Variants in THBS2 observed in about 807,000 individuals in gnomAD.
The protein encoded by THBS2 is thrombospondin 2, also known as thrombospondin-2.
THBS2 carries 47 observed loss-of-function variants against 135.2 expected under a neutral mutation model. The ratio of observed to expected loss-of-function variants is 0.35; its 90% confidence interval spans 0.28 to 0.44. The LOEUF (loss-of-function observed/expected upper bound fraction) is 0.44, where lower values mean the gene tolerates loss of function less well. Ranked by LOEUF, THBS2 falls within the 20% of genes least tolerant of loss-of-function variation. The pLI is 1.00. For synonymous variants in THBS2, 639 were observed against 633.8 expected, an observed-to-expected ratio of 1.01 and a Z score of -0.12; for missense variants, 1,288 against 1,603.1, an observed-to-expected ratio of 0.80 and a Z score of 3.36.
At chr6:169,250,874 GC>G in intron 1 of THBS2, 68 bp from the exon 2 acceptor site, 1 of 1,068,976 alleles carries the variant, frequency 9.4e-7, no homozygotes, top group Non-Finnish European at 1.4e-6. Flanking sequence ...AGCGAGACTG[GC>G]CCAGTGACTC....
chr6:169,217,780 A>G lies in THBS2; in HGVS notation c.*42T>C, dbSNP rs1391952237. On this transcript the variant is annotated 3_prime_UTR_variant, in exon 22 of 22. Transcript: ENST00000617924. ...CAATGAACTGAGGTGTCTAGGGACC[A>G]TGGCATGCACAGGGCATTGCCGGAA... The G allele has an allele frequency of 6.2e-7, 1 of 1,608,716 alleles. No homozygotes were observed.
Position 169,239,707 on chromosome 6 carries a change from G to A in THBS2, c.1033-12C>T. ...ATGGTTTTAAATTTCTACAAGTGAA[G>A]AAAGGCATGCATGGAACACTCATTT... On this transcript the variant is annotated splice_polypyrimidine_tract_variant and intron_variant, in intron 6 of 21. Coordinates refer to ENST00000617924, the MANE Select transcript of THBS2 (RefSeq NM_003247.5). 6.3e-7 allele frequency: 1 copy of A among 1,577,366 alleles called. No individual in the cohort carries two copies. The highest frequency in any genetic ancestry group is 8.6e-7 in the Non-Finnish European group (1 of 1,159,692).
chr6:169,249,855 C>G (rs567587879), intron 2 of THBS2, among the ~76,000 whole-genome samples: 4 of 152,050 alleles, frequency 2.6e-5, no homozygotes, highest in Non-Finnish European at 4.4e-5. Context: ...GTGGTGAAAC[C>G]CCGTCTCTAC....
chr6:169,239,987 C>T (rs551662859), intron 6 of THBS2, among the ~76,000 whole-genome samples: 6 of 152,272 alleles, frequency 3.9e-5, no homozygotes, highest in African/African-American at 7.2e-5. Context: ...GAAGAAAAGA[C>T]GGGCAGCAGG....
intron 21 of THBS2, among the ~76,000 whole-genome samples, chr6:169,219,258 ATGGG>A (rs1347172702): frequency 7.0e-5 from 5 of 71,826 alleles, no homozygotes; most frequent in African/African-American, 2.0e-4. Context: ...GGATAGGTGG[ATGGG>A]TGGGTGGATG....
At position 169,217,659 on chromosome 6, in the gene THBS2, C is replaced by T; in HGVS notation, c.*163G>A. 1 of 645,182 alleles carries T rather than the reference C, an allele frequency of 1.5e-6. No homozygotes were observed. Among genetic ancestry groups the T allele is most frequent in the Non-Finnish European group, 2.6e-6 (1 of 385,292 alleles). The allele number at this position is 645,182 out of a possible 1,614,324, so 40.0% of individuals were successfully genotyped here. ...TCCATTGATATTTATCCTCTGAAGGCACTTGGGTTTGGGGTTGCTGGCAGG... is the reference window on the plus strand; with the variant it reads ...TCCATTGATATTTATCCTCTGAAGGTACTTGGGTTTGGGGTTGCTGGCAGG... On this transcript the variant is annotated 3_prime_UTR_variant, in exon 22 of 22. Coordinates refer to ENST00000617924, the MANE Select transcript of THBS2 (RefSeq NM_003247.5).
chr6:169,243,728 AAAC>A (rs968921642), intron 4 of THBS2, among the ~76,000 whole-genome samples: 5 of 152,218 alleles, frequency 3.3e-5, no homozygotes, highest in Non-Finnish European at 7.3e-5. Context: ...TCTAAAAGTT[AAAC>A]AAAAGACCGC....
chr6:169,219,834 C>T (rs539796520), intron 21 of THBS2: 1 of 497,082 alleles, frequency 2.0e-6, no homozygotes, highest in South Asian at 1.4e-5. Context: ...TCCTTCCTTC[C>T]TTCTTTCCTT....
intron 15 of THBS2, among the ~76,000 whole-genome samples, chr6:169,227,743 A>C (rs183470993): frequency 2.0e-5 from 3 of 152,340 alleles, no homozygotes; most frequent in Admixed American, 2.0e-4. Context: ...CAAAATTCAG[A>C]ATAAAACATG....
In THBS2 at chr6:169,248,902, C is replaced by A. The variant is rs773256871; in HGVS notation, c.124G>T (p.Ala42Ser). The A allele has an allele frequency of 1.2e-6, 2 of 1,613,544 alleles. No homozygotes were observed. The highest frequency in any genetic ancestry group is 1.6e-4 in the Middle Eastern group (1 of 6,062). The part of the protein sequence containing the change: ...ISNINRKTIG[A>S]KQFRGPDPGV... ...GGGTCGGGCCCGCGGAACTGCTTGG[C>A]GCCAATGGTCTTGCGGTTGATGTTG... The change falls in exon 3 of 22, where the codon GCC (alanine) becomes TCC (serine). Residue 42 changes from alanine to serine, a missense_variant. Ala to Ser is a moderately conservative substitution (Grantham distance 99, BLOSUM62 1). Transcript: ENST00000617924.
intron 7 of THBS2, among the ~76,000 whole-genome samples, chr6:169,238,620 G>A (rs761531652): frequency 1.3e-5 from 2 of 152,168 alleles, no homozygotes; most frequent in Non-Finnish European, 2.9e-5. Flanking sequence ...TGAATTGTTG[G>A]TTTTAATTAT....
chr6:169,246,157 C>G (rs928838345), intron 4 of THBS2, 40 bp downstream of exon 4: 1 of 1,541,486 alleles, frequency 6.5e-7, no homozygotes, highest in Non-Finnish European at 9.0e-7. Context: ...GAAATCCATC[C>G]AAGCCAGTAT....
rs1171380668 is a variant in THBS2, at chr6:169,248,293, G to A, written c.609+124C>T. On this transcript the variant is annotated intron_variant, in intron 3 of 21. Coordinates refer to ENST00000617924, the MANE Select transcript of THBS2 (RefSeq NM_003247.5). The stretch of plus-strand genomic sequence containing the variant: ...TGTGTGTGAGCACATGCCGGGATGT[G>A]CAGTGTGCTTCTCTAAGGCCAGGCT... 5 of 1,136,754 alleles carry A rather than the reference G, an allele frequency of 4.4e-6. No homozygotes were observed. The African/African-American group carries it at 6.2e-5, about 14-fold the overall frequency. The allele number at this position is 1,136,754 out of a possible 1,614,324, so 70.4% of individuals were successfully genotyped here. A position where few individuals can be genotyped will look rare whatever the true frequency, so the allele number is the denominator to read the frequency against.
At chr6:169,232,227 G>A (rs766595009) in intron 12 of THBS2, 29 bp from the exon 13 acceptor site, 2 of 1,609,028 alleles carry the variant, frequency 1.2e-6, no homozygotes, top group Non-Finnish European at 1.7e-6. Flanking sequence ...CGGGGTTAGC[G>A]ACAGGCAGGA....
At chr6:169,232,535 G>C in intron 12 of THBS2, 129 bp downstream of exon 12, 12 of 1,445,038 alleles carry the variant, frequency 8.3e-6, no homozygotes, top group Non-Finnish European at 1.0e-5. Context: ...CAGCTTCCCC[G>C]GGCCAGCCCC....
chr6:169,242,181 G>T (rs1287910236), intron 4 of THBS2, among the ~76,000 whole-genome samples: 1 of 152,140 alleles, frequency 6.6e-6, no homozygotes, highest in East Asian at 1.9e-4. Flanking sequence ...GAACAGCAGG[G>T]ACAGGGGACA....
chr6:169,246,174 T>A, intron 4 of THBS2, 23 bp downstream of exon 4: 1 of 1,600,128 alleles, frequency 6.2e-7, no homozygotes, highest in Non-Finnish European at 8.6e-7. Context: ...GTATATAAAA[T>A]GCATTTTTCA....
At chr6:169,223,673 C>G (rs1021198178) in intron 17 of THBS2, among the ~76,000 whole-genome samples, 198 bp from the exon 18 acceptor site, 1 of 152,184 alleles carries the variant, frequency 6.6e-6, no homozygotes, top group Admixed American at 6.5e-5. Flanking sequence ...GGAACCTCAA[C>G]TCTTTTCACA....
Position 169,241,703 on chromosome 6 carries a change from G to A in THBS2, c.891+59C>T. On this transcript the variant is annotated intron_variant, in intron 5 of 21. Coordinates refer to ENST00000617924, the MANE Select transcript of THBS2 (RefSeq NM_003247.5). The surrounding 1 kb of genome is among the most constrained non-coding windows in gnomAD (Gnocchi z 5.5). ...GGGAATGTTGATACCTGCTGAGATG[G>A]GCCAGCGGCGGAGCTGCCCATGCCC... 6.6e-7 allele frequency: 1 copy of A among 1,516,276 alleles called. No individual in the cohort carries two copies. Among genetic ancestry groups the A allele is most frequent in the Non-Finnish European group, 9.0e-7 (1 of 1,115,666 alleles). The allele number at this position is 1,516,276 out of a possible 1,614,324, so 93.9% of individuals were successfully genotyped here.
Sources: allele counts gnomAD v4.1 joint callset (sites outside exome capture counted in the v4.1 genomes callset), GRCh38; gene constraint gnomAD v4.1.1; non-coding constraint Gnocchi (gnomAD v3.1); transcripts MANE v1.5; gene names NCBI Gene and HGNC (gene_info 2026-07-23, HGNC 2026-07-21).